Variants in ZNF91 observed in about 807,000 individuals in gnomAD.
ZNF91 encodes zinc finger protein 91.
Under a neutral mutation model 12.6 loss-of-function variants are expected in ZNF91, and 7 were observed. The ratio of observed to expected loss-of-function variants is 0.55; its 90% CI spans 0.31 to 1.04. The LOEUF (loss-of-function observed/expected upper bound fraction) is 1.04. Among genes scored for constraint, ZNF91 ranks in the 50% least tolerant of loss-of-function variants. The pLI is 0.05. For synonymous variants in ZNF91, 453 were observed against 462.6 expected (o/e 0.98, Z 0.27); for missense variants, 1,217 against 1,385.4 (o/e 0.88, Z 1.93).
chr19:23,323,516 C>T (rs1300056050), intron 1 of ZNF91, among the ~76,000 whole-genome samples: 1 of 125,216 alleles, frequency 8.0e-6, no homozygotes, highest in Admixed American at 7.5e-5. Flanking sequence ...CTTTCTTCTC[C>T]TCTACTCTTC....
At chr19:23,395,222 G>A in intron 1 of ZNF91, 103 bp downstream of exon 1, 1 of 1,421,204 alleles carries the variant, frequency 7.0e-7, no homozygotes, top group East Asian at 2.3e-5. Context: ...GGCACGGATT[G>A]TGGAGCTGAC....
At chr19:23,379,101 T>C (rs1462191240) in intron 1 of ZNF91, among the ~76,000 whole-genome samples, 20 of 152,198 alleles carry the variant, frequency 1.3e-4, no homozygotes, top group Non-Finnish European at 2.6e-4. Context: ...GTCTCAAAGA[T>C]ACCTAGGTGA....
Position 23,361,173 on chromosome 19 carries a change from G to GT in ZNF91, c.1805dup (p.Tyr602Ter), listed in dbSNP as rs1255019577. 1.2e-6 allele frequency: 2 copies of GT among 1,613,592 alleles called. No homozygotes were observed. The highest frequency in any genetic ancestry group is 1.7e-5 in the Admixed American group (1 of 59,996). The change falls in exon 4 of 4, where the codon TAC becomes TAAC. Residue 602 changes from tyrosine (Y) to a stop codon, truncating the protein, a stop_gained and frameshift_variant. Transcript: ENST00000300619. LOFTEE classifies it low-confidence loss of function (END_TRUNC). ...ATGCTTTGCCACATTCTTCACACTT[G>GT]TAAGACTTCTCTCCAGTATGAATTA... is the stretch of plus-strand genomic sequence containing the variant. ...HKIIHTGEKS[Y>*]KCEECGKAFL...
intron 1 of ZNF91, among the ~76,000 whole-genome samples, chr19:23,392,769 A>G (rs540258212): frequency 1.3e-5 from 2 of 149,766 alleles, no homozygotes; most frequent in East Asian, 4.0e-4. Flanking sequence ...ATTGCATACC[A>G]GCCTGGGCGA....
At chr19:23,349,911 G>A (rs944290974) in intron 3 of ZNF91, among the ~76,000 whole-genome samples, 4 of 152,274 alleles carry the variant, frequency 2.6e-5, no homozygotes, top group East Asian at 1.9e-4. Context: ...AATGGCCTCC[G>A]CAACGGATCA....
intron 1 of ZNF91, chr19:23,385,307 T>A (rs545142883): frequency 1.1e-5 from 5 of 467,826 alleles, no homozygotes; most frequent in African/African-American, 9.8e-5. Flanking sequence ...GATGCGAACT[T>A]ATTTCCTTTG....
chr19:23,336,022 G>C (rs1195534570), downstream of ZNF91, among the ~76,000 whole-genome samples: 1 of 152,136 alleles, frequency 6.6e-6, no homozygotes, highest in Non-Finnish European at 1.5e-5. Flanking sequence ...AGGGAAACAA[G>C]AGCTTTCTAA....
chr19:23,357,489 T>C (rs73565025), downstream of ZNF91, among the ~76,000 whole-genome samples: 619 of 152,302 alleles, frequency 4.1e-3, 3 homozygotes, highest in African/African-American at 0.014. Flanking sequence ...TGTTCCAATA[T>C]TGCTTTTTTC....
rs1262441807 is a variant in ZNF91 at position 23,359,423 on chromosome 19, C to A, written c.3556G>T (p.Val1186Leu). Residue 1186 changes from valine to leucine, a missense_variant, in exon 4 of 4, where the codon GTG (valine) becomes TTG (leucine). This residue lies in a region of ZNF91 where 491 missense variants were observed against 489.8 expected (regional missense o/e 1.00). Coordinates refer to ENST00000300619, the MANE Select transcript of ZNF91 (RefSeq NM_003430.4). ...ATTTTTTAGTAGAGAAGGGGTTTCA[C>A]TGTGTTAGCCAGGATGGTCTCCATC... ...QEMETILANTVKPLLY is the reference protein window; with the variant it reads ...QEMETILANTLKPLLY 1 of 1,264,390 alleles carries A rather than the reference C, an allele frequency of 7.9e-7. No individual in the cohort carries two copies. The highest frequency in any genetic ancestry group is 1.1e-6 in the Non-Finnish European group (1 of 883,070). 78.3% of individuals were successfully genotyped at this position (1,264,390 alleles called of 1,614,324 possible).
At chr19:23,353,136 C>G (rs1237737728), downstream of ZNF91, among the ~76,000 whole-genome samples, 2 of 152,170 alleles carry the variant, frequency 1.3e-5, no homozygotes, top group African/African-American at 4.8e-5. Context: ...AACATTTCAT[C>G]CAACAACCGC....
At chr19:23,393,438 G>C (rs1970135323) in intron 1 of ZNF91, among the ~76,000 whole-genome samples, 1 of 152,052 alleles carries the variant, frequency 6.6e-6, no homozygotes, top group South Asian at 2.1e-4. Flanking sequence ...GGGTATCTTG[G>C]TTTATCCCCA....
intron 1 of ZNF91, among the ~76,000 whole-genome samples, chr19:23,389,670 C>CA (rs1182003130): frequency 6.6e-6 from 1 of 152,190 alleles, no homozygotes; most frequent in African/African-American, 2.4e-5. Flanking sequence ...CACAGCCTCT[C>CA]ATTCCTGGAC....
downstream of ZNF91, among the ~76,000 whole-genome samples, chr19:23,335,615 C>T (rs1967992218): frequency 6.6e-6 from 1 of 152,220 alleles, no homozygotes; most frequent in Admixed American, 6.5e-5. Flanking sequence ...GGCATGGGAC[C>T]CTCCGTGCCA....
chr19:23,330,518 G>A (rs929719070), intron 1 of ZNF91, among the ~76,000 whole-genome samples: 1 of 152,140 alleles, frequency 6.6e-6, no homozygotes. Flanking sequence ...GATGTAACCT[G>A]AACATCCCTT....
chr19:23,335,654 G>A (rs11882277), downstream of ZNF91, among the ~76,000 whole-genome samples: 28,674 of 152,162 alleles, frequency 0.19, 2,926 homozygotes, highest in Non-Finnish European at 0.21. Flanking sequence ...CTGGTGTGCC[G>A]TTTGCTAAGA....
At position 23,305,656 on chromosome 19, in the gene ZNF91, C is replaced by G. The variant is rs146127953; in HGVS notation, n.278-525G>C. Among the ~76,000 whole-genome samples the G allele has an allele frequency of 2.4e-4, 37 of 152,312 alleles. No individual in the cohort carries two copies. In the East Asian group the frequency reaches 6.9e-3, roughly 29 times the overall value. ...TTTGAGCCCAGATGATTTTAACTGG[C>G]CAATAAGCTCAGCCCAGCTGATTTC... On this transcript the variant is annotated intron_variant and non_coding_transcript_variant, in intron 3 of 3. Coordinates refer to the ZNF91 transcript ENST00000593292.
chr19:23,347,285 A>G (rs1968256081), intron 3 of ZNF91, among the ~76,000 whole-genome samples: 1 of 152,158 alleles, frequency 6.6e-6, no homozygotes, highest in Non-Finnish European at 1.5e-5. Flanking sequence ...GTCCATCTGG[A>G]AAGAATGGAG....
chr19:23,370,156 A>G (rs1969216818), intron 3 of ZNF91, among the ~76,000 whole-genome samples: 1 of 152,146 alleles, frequency 6.6e-6, no homozygotes, highest in Non-Finnish European at 1.5e-5. Flanking sequence ...TTATGAATCT[A>G]TATCTAAAAT....
At chr19:23,348,145 T>A (rs937357476) in intron 3 of ZNF91, among the ~76,000 whole-genome samples, 1 of 152,150 alleles carries the variant, frequency 6.6e-6, no homozygotes, top group African/African-American at 2.4e-5. Context: ...ACCTCTCTTG[T>A]TAAACTCACC....
Sources: allele counts gnomAD v4.1 joint callset (sites outside exome capture counted in the v4.1 genomes callset), GRCh38; gene constraint gnomAD v4.1.1; regional missense constraint gnomAD v4.1.1; transcripts MANE v1.5; gene names NCBI Gene and HGNC (gene_info 2026-07-23, HGNC 2026-07-21).